KCNA6: variants seen among roughly 807,000 people sequenced by gnomAD.
KCNA6 encodes potassium voltage-gated channel subfamily A member 6, also known as human brain potassium channel-2.
A neutral mutation model predicts 29.5 loss-of-function variants in KCNA6; 17 were observed. The observed-to-expected ratio is 0.58, with a 90% CI of 0.39 to 0.86. The LOEUF (loss-of-function observed/expected upper bound fraction) is 0.86, where lower values mean the gene tolerates loss of function less well. KCNA6 is among the 40% of genes least tolerant of loss of function. The pLI, the probability that KCNA6 is intolerant of heterozygous loss-of-function variation, is 0.00. For synonymous variants in KCNA6, 296 were observed against 304.7 expected (o/e 0.97, Z 0.30); for missense variants, 450 against 703.4 (o/e 0.64, Z 4.07).
chr12:4,830,820 G>A, the KCNA6 span, among the ~76,000 whole-genome samples: 1 of 152,352 alleles, frequency 6.6e-6, no homozygotes, highest in African/African-American at 2.4e-5. Flanking sequence ...AATGCGGGCA[G>A]GGGCGCTGCA....
At chr12:4,840,079 A>T in the KCNA6 span, among the ~76,000 whole-genome samples, 1 of 152,206 alleles carries the variant, frequency 6.6e-6, no homozygotes. Flanking sequence ...AGAGAAAAGA[A>T]ATGATAAACT....
At chr12:4,830,919 C>A in the KCNA6 span, among the ~76,000 whole-genome samples, 1 of 152,226 alleles carries the variant, frequency 6.6e-6, no homozygotes, top group African/African-American at 2.4e-5. Context: ...GAAGCCACCC[C>A]CTAGCAGACT....
the KCNA6 span, among the ~76,000 whole-genome samples, chr12:4,845,786 G>T: frequency 6.6e-6 from 1 of 151,746 alleles, no homozygotes; most frequent in Non-Finnish European, 1.5e-5. Flanking sequence ...AGGGTAAAAA[G>T]GTAAAACATT....
chr12:4,834,650 G>T, the KCNA6 span, among the ~76,000 whole-genome samples: 1 of 152,104 alleles, frequency 6.6e-6, no homozygotes, highest in Non-Finnish European at 1.5e-5. Flanking sequence ...AATGCAGGCA[G>T]CAAGGTACCA....
chr12:4,846,153 C>A, the KCNA6 span, among the ~76,000 whole-genome samples: 1 of 152,014 alleles, frequency 6.6e-6, no homozygotes, highest in Admixed American at 6.6e-5. Context: ...TACATCGAAC[C>A]CCCAGAAAGC....
At chr12:4,817,916 C>T (rs1946697060), downstream of KCNA6, among the ~76,000 whole-genome samples, 1 of 152,204 alleles carries the variant, frequency 6.6e-6, no homozygotes, top group South Asian at 2.1e-4. Context: ...GACCCTGGCT[C>T]TTTGGTGAGA....
the KCNA6 span, among the ~76,000 whole-genome samples, chr12:4,831,864 T>G: frequency 6.6e-6 from 1 of 152,060 alleles, no homozygotes; most frequent in Non-Finnish European, 1.5e-5. Context: ...GCTCTCCGAG[T>G]CACTAGTATT....
At chr12:4,837,940 G>C in the KCNA6 span, among the ~76,000 whole-genome samples, 7 of 152,022 alleles carry the variant, frequency 4.6e-5, no homozygotes, top group African/African-American at 1.7e-4. Context: ...GGTTTGAAGA[G>C]AGCCTTTGTA....
the KCNA6 span, among the ~76,000 whole-genome samples, chr12:4,833,657 T>G: frequency 6.6e-6 from 1 of 152,224 alleles, no homozygotes; most frequent in Non-Finnish European, 1.5e-5. Context: ...GCTTTTTGCC[T>G]CATGCTCACA....
In KCNA6 at chr12:4,810,058, C is replaced by G; in HGVS notation, c.17C>G (p.Ser6Cys). The stretch of plus-strand genomic sequence containing the variant: ...CGAGGGGGCATGAGATCGGAGAAAT[C>G]CCTTACGCTGGCGGCGCCGGGGGAG... Residue 6 changes from serine (S) to cysteine (C), a missense_variant, in exon 1 of 1, where the codon TCC (serine) becomes TGC (cysteine). Ser to Cys is a moderately radical substitution (Grantham distance 112, BLOSUM62 -1). Transcript: ENST00000280684. This position sits in a 1 kb window ranked among gnomAD's most constrained non-coding sequence, Gnocchi z 7.5. The G allele has an allele frequency of 6.5e-7, 1 of 1,543,448 alleles. No individual in the cohort carries two copies.
the KCNA6 span, among the ~76,000 whole-genome samples, chr12:4,833,939 T>A: frequency 6.6e-6 from 1 of 150,942 alleles, no homozygotes; most frequent in Admixed American, 6.6e-5. Flanking sequence ...AAATTTTTTT[T>A]TTTTTTTTAG....
the KCNA6 span, among the ~76,000 whole-genome samples, chr12:4,841,983 CA>C: frequency 0.13 from 18,796 of 148,456 alleles, 1,341 homozygotes; most frequent in African/African-American, 0.18. Context: ...ATAAATGAAA[CA>C]AAAGATTTCT....
the KCNA6 span, among the ~76,000 whole-genome samples, chr12:4,834,153 T>C: frequency 6.6e-6 from 1 of 152,052 alleles, no homozygotes; most frequent in Admixed American, 6.5e-5. Flanking sequence ...CAGGTTGGTC[T>C]GAAACTCCTG....
chr12:4,832,358 G>A, the KCNA6 span, among the ~76,000 whole-genome samples: 1 of 152,116 alleles, frequency 6.6e-6, no homozygotes. Flanking sequence ...CCACCCCAGC[G>A]GCAGTGCGCC....
chr12:4,817,537 G>A (rs944934949), downstream of KCNA6, among the ~76,000 whole-genome samples: 1 of 152,206 alleles, frequency 6.6e-6, no homozygotes, highest in Admixed American at 6.5e-5. Flanking sequence ...GTACCCTAAA[G>A]GGGGAGTGGA....
the KCNA6 span, among the ~76,000 whole-genome samples, chr12:4,827,186 C>CTCCTTCCTTCCTTCCTCCT: frequency 0.11 from 6,776 of 59,750 alleles, 415 homozygotes; most frequent in Non-Finnish European, 0.15. Context: ...CCTTCCTTCC[C>CTCCTTCCTTCCTTCCTCCT]TCCTTCCTTC....
chr12:4,821,436 G>T, the KCNA6 span, among the ~76,000 whole-genome samples: 1 of 110,360 alleles, frequency 9.1e-6, no homozygotes. Flanking sequence ...GTGTGTGTGT[G>T]TGTGTGTGTG....
the KCNA6 span, among the ~76,000 whole-genome samples, chr12:4,827,005 T>C: frequency 6.6e-6 from 1 of 151,758 alleles, no homozygotes; most frequent in Non-Finnish European, 1.5e-5. Flanking sequence ...CTCTATTCCT[T>C]CCTCCCTCCT....
exon 1 of KCNA6, chr12:4,813,166 A>C (rs1044361564): frequency 6.0e-6 from 1 of 166,676 alleles, no homozygotes; most frequent in African/African-American, 2.4e-5. Context: ...GCAACTTACG[A>C]GAGGACAGCC....
Sources: gnomAD v4.1 joint callset for allele counts (sites outside exome capture counted in the v4.1 genomes callset) on GRCh38, gnomAD v4.1.1 for gene constraint, Gnocchi (gnomAD v3.1) non-coding constraint, MANE v1.5 for transcripts, NCBI Gene and HGNC (gene_info 2026-07-23, HGNC 2026-07-21) for gene names.